PTPRN2: variants seen among roughly 807,000 people sequenced by gnomAD.
PTPRN2 encodes receptor-type tyrosine-protein phosphatase N2.
Under a neutral mutation model 118.8 loss-of-function variants are expected in PTPRN2, and 74 were observed. That is an observed-to-expected ratio of 0.62 (90% confidence interval 0.52 to 0.76). The LOEUF (loss-of-function observed/expected upper bound fraction) is 0.76. Among genes scored for constraint, PTPRN2 ranks in the 30% least tolerant of loss-of-function variants. The pLI is 0.00. For missense variants in PTPRN2, 1,481 were observed against 1,394.4 expected (o/e 1.06, Z -0.99); for synonymous variants, 641 against 608.0 (o/e 1.05, Z -0.80).
At chr7:157,652,893 G>C (rs756571780) in intron 14 of PTPRN2, among the ~76,000 whole-genome samples, 52 of 152,350 alleles carry the variant, frequency 3.4e-4, no homozygotes, top group Middle Eastern at 3.4e-3. Flanking sequence ...TCTCCAGCAC[G>C]GAATCCCAGC....
intron 2 of PTPRN2, among the ~76,000 whole-genome samples, chr7:158,409,837 G>A (rs1296480625): frequency 6.6e-6 from 1 of 152,180 alleles, no homozygotes; most frequent in Non-Finnish European, 1.5e-5. Context: ...TTGACATAAA[G>A]AGCTGAGAAG....
At chr7:158,325,968 C>T (rs898077000) in intron 2 of PTPRN2, among the ~76,000 whole-genome samples, 1 of 152,200 alleles carries the variant, frequency 6.6e-6, no homozygotes, top group African/African-American at 2.4e-5. Context: ...CTGGGAAGCC[C>T]AGGAGGGGAA....
At chr7:158,117,327 T>A (rs1816809950) in intron 9 of PTPRN2, among the ~76,000 whole-genome samples, 1 of 151,930 alleles carries the variant, frequency 6.6e-6, no homozygotes, top group African/African-American at 2.4e-5. Flanking sequence ...AAATAAAGAA[T>A]CAGTGAACTT....
chr7:158,071,696 T>TGTGGTGGAGGTGCTCCTG (rs1295517654), intron 11 of PTPRN2, among the ~76,000 whole-genome samples: 6 of 40,992 alleles, frequency 1.5e-4, no homozygotes, highest in African/African-American at 2.3e-4. Flanking sequence ...TGGAGGTGCT[T>TGTGGTGGAGGTGCTCCTG]GTGGTGGAGG....
chr7:157,548,992 G>C lies in PTPRN2; in HGVS notation c.2930C>G (p.Thr977Ser). Residue 977 changes from threonine (T) to serine (S), a missense_variant, in exon 22 of 23, where the codon ACC (threonine) becomes AGC (serine). Thr to Ser is a moderately conservative substitution (Grantham distance 58). This residue lies in a region of PTPRN2 where 362 missense variants were observed against 384.1 expected (regional missense o/e 0.94). Transcript: ENST00000389418. ...TCTCTGGTCCCTCAAGTGCTCCAGG[G>C]TCGCTGCGATATCAATCTCTTTAGC... The part of the protein sequence containing the change: ...KGAKEIDIAA[T>S]LEHLRDQRPG... The C allele has an allele frequency of 1.9e-6, 3 of 1,614,200 alleles. No individual in the cohort carries two copies. Among genetic ancestry groups the C allele is most frequent in the Non-Finnish European group, 2.5e-6 (3 of 1,180,030 alleles).
chr7:157,752,246 A>G (rs116013837), intron 12 of PTPRN2, among the ~76,000 whole-genome samples: 8,763 of 152,240 alleles, frequency 0.058, 272 homozygotes, highest in South Asian at 0.11. Context: ...GCCATCACGG[A>G]TGTAGCGGGG....
chr7:157,879,434 C>T (rs545882821), intron 12 of PTPRN2, among the ~76,000 whole-genome samples: 3 of 152,336 alleles, frequency 2.0e-5, no homozygotes, highest in East Asian at 1.9e-4. Flanking sequence ...CACAGAGCAA[C>T]GTCCTGCAGC....
chr7:158,149,068 G>A (rs1820579290), intron 6 of PTPRN2, among the ~76,000 whole-genome samples: 1 of 137,100 alleles, frequency 7.3e-6, no homozygotes, highest in South Asian at 2.4e-4. Context: ...CATGCCACGT[G>A]TCATTCCCCC....
chr7:158,193,305 C>T (rs1825927872), intron 4 of PTPRN2, among the ~76,000 whole-genome samples: 1 of 152,172 alleles, frequency 6.6e-6, no homozygotes, highest in African/African-American at 2.4e-5. Flanking sequence ...GGCAGCTGGA[C>T]GTGTCAGCCA....
chr7:157,819,014 C>CAGAG (rs1156285176), intron 12 of PTPRN2, among the ~76,000 whole-genome samples: 1 of 152,142 alleles, frequency 6.6e-6, no homozygotes, highest in African/African-American at 2.4e-5. Context: ...TGAGCCTCCT[C>CAGAG]TCAGGACAGA....
intron 13 of PTPRN2, among the ~76,000 whole-genome samples, chr7:157,673,466 G>A (rs1326735686): frequency 2.0e-5 from 3 of 152,188 alleles, no homozygotes; most frequent in African/African-American, 7.2e-5. Context: ...AGGAAAAGCC[G>A]CTGTTCAGAC....
At position 158,071,582 on chromosome 7, in the gene PTPRN2, C is replaced by CGTGGTGGTGGAGGTG. The variant is rs1563392123; in HGVS notation, c.1723+9715_1723+9716insCACCTCCACCACCAC. ...TGGAGGTGCTCCTGGTGGAGGTGCT[C>CGTGGTGGTGGAGGTG]CTGGTGGAGGTGCTCCTGGTGGAGG... On this transcript the variant is annotated intron_variant, in intron 11 of 22. Transcript: ENST00000389418. Among the ~76,000 whole-genome samples the CGTGGTGGTGGAGGTG allele has an allele frequency of 8.0e-4, 6 of 7,544 alleles. 1 individual carries two copies. The highest frequency in any genetic ancestry group is 1.3e-3 in the Non-Finnish European group (5 of 3,872). 4.9% of individuals were successfully genotyped at this position (7,544 alleles called of 152,430 possible). A position where few individuals can be genotyped will look rare whatever the true frequency, so the allele number is the denominator to read the frequency against.
intron 1 of PTPRN2, among the ~76,000 whole-genome samples, chr7:158,527,215 C>T (rs1297585949): frequency 7.1e-6 from 1 of 141,012 alleles, no homozygotes; most frequent in African/African-American, 3.2e-5. Flanking sequence ...CCCTCACCTC[C>T]CCCCACCCCA....
intron 2 of PTPRN2, among the ~76,000 whole-genome samples, chr7:158,472,436 C>T (rs1414217613): frequency 6.6e-6 from 1 of 152,138 alleles, no homozygotes; most frequent in East Asian, 1.9e-4. Flanking sequence ...AAATCTAACA[C>T]GATAACATAT....
At chr7:157,839,869 G>A (rs560381488) in intron 12 of PTPRN2, among the ~76,000 whole-genome samples, 5 of 149,960 alleles carry the variant, frequency 3.3e-5, no homozygotes, top group South Asian at 2.2e-4. Flanking sequence ...CTGTGTGACC[G>A]TGTGGAGTGT....
intron 12 of PTPRN2, among the ~76,000 whole-genome samples, chr7:157,844,817 A>AGT (rs1808684230): frequency 6.6e-6 from 1 of 152,158 alleles, no homozygotes; most frequent in African/African-American, 2.4e-5. Context: ...ACGAGATAGC[A>AGT]GTATGTTAGC....
chr7:157,791,399 G>A (rs576259882), intron 12 of PTPRN2, among the ~76,000 whole-genome samples: 1 of 152,242 alleles, frequency 6.6e-6, no homozygotes, highest in Non-Finnish European at 1.5e-5. Flanking sequence ...CGTGTTTTAC[G>A]TGCTTGGGAA....
chr7:158,446,552 G>C (rs958080180), intron 2 of PTPRN2, among the ~76,000 whole-genome samples: 1 of 152,158 alleles, frequency 6.6e-6, no homozygotes, highest in Non-Finnish European at 1.5e-5. Context: ...CTCTGCCTGG[G>C]CCACAGCCGC....
chr7:157,800,438 T>C (rs1379163365), intron 12 of PTPRN2, among the ~76,000 whole-genome samples: 1 of 152,132 alleles, frequency 6.6e-6, no homozygotes, highest in African/African-American at 2.4e-5. Flanking sequence ...CCTACAACAG[T>C]GTCTGGCCCC....
Sources: gnomAD v4.1 joint callset for allele counts (sites outside exome capture counted in the v4.1 genomes callset) on GRCh38, gnomAD v4.1.1 for gene constraint, gnomAD v4.1.1 regional missense constraint, MANE v1.5 for transcripts, NCBI Gene and HGNC (gene_info 2026-07-23, HGNC 2026-07-21) for gene names.